Variants in FAM83G observed in about 807,000 individuals in gnomAD.
The protein encoded by FAM83G is scaffolding CK1 anchoring protein G, also known as protein FAM83G.
FAM83G carries 38 observed loss-of-function variants against 61.5 expected under a neutral mutation model. The observed-to-expected ratio is 0.62, with a 90% CI of 0.48 to 0.81. The LOEUF is 0.81. Among genes scored for constraint, FAM83G ranks in the 30% least tolerant of loss-of-function variants. The pLI, the probability that FAM83G is intolerant of heterozygous loss-of-function variation, is 0.00. For missense variants in FAM83G, 989 were observed against 1,133.6 expected (o/e 0.87, Z 1.83); for synonymous variants, 470 against 476.1 (o/e 0.99, Z 0.17).
Position 18,977,796 on chromosome 17 carries a change from C to T in FAM83G, c.1870G>A (p.Glu624Lys), listed in dbSNP as rs1014037928. The T allele has an allele frequency of 1.9e-6, 3 of 1,602,878 alleles. No individual in the cohort carries two copies. The highest frequency in any genetic ancestry group is 2.6e-6 in the Non-Finnish European group (3 of 1,174,032). ...SVSEEYFEVR[E>K]HSVPLRRRHS... is the part of the protein sequence containing the mutation. ...CGCCTCCGGAGAGGGACTGAGTGCT[C>T]TCTCACCTCGAAGTACTCCTCTGAC... is the stretch of plus-strand genomic sequence containing the variant. The change falls in exon 5 of 6, where the codon GAG becomes AAG. Residue 624 changes from glutamate to lysine, a missense_variant. By Grantham distance (56) the Glu-to-Lys change is moderately conservative. Coordinates refer to ENST00000388995, the MANE Select transcript of FAM83G (RefSeq NM_001039999.3).
At chr17:18,976,574 G>A in intron 5 of FAM83G, 1 of 415,102 alleles carries the variant, frequency 2.4e-6, no homozygotes, top group East Asian at 4.1e-5. Context: ...TGCCAGGGGT[G>A]GTGGGCTGGG....
Position 18,971,707 on chromosome 17 carries a change from A to G in FAM83G, c.2124T>C (p.Thr708=). 6.2e-7 allele frequency: 1 copy of G among 1,600,854 alleles called. No homozygotes were observed. The highest frequency in any genetic ancestry group is 8.5e-7 in the Non-Finnish European group (1 of 1,171,464). The part of the protein sequence containing the change: ...FHHHRVPASG[T]RDKDGFPGPP... ...GTCCTGGGAAGCCGTCTTTATCCCT[A>G]GTCCCTGAGGCAGGGACCCTGTGAT... The change falls in exon 6 of 6, where the codon ACT becomes ACC. Residue 708 remains threonine, a synonymous_variant. Coordinates refer to ENST00000388995, the MANE Select transcript of FAM83G (RefSeq NM_001039999.3). The surrounding 1 kb of genome is among the most constrained non-coding windows in gnomAD (Gnocchi z 5.5).
chr17:18,999,524 T>C (rs1326919449), intron 2 of FAM83G, among the ~76,000 whole-genome samples: 1 of 152,104 alleles, frequency 6.6e-6, no homozygotes, highest in Non-Finnish European at 1.5e-5. Flanking sequence ...AGTTTCCTCA[T>C]CTGCACAATG....
intron 5 of FAM83G, among the ~76,000 whole-genome samples, chr17:18,972,725 G>A (rs2042885004): frequency 6.6e-6 from 1 of 152,166 alleles, no homozygotes; most frequent in Non-Finnish European, 1.5e-5. Context: ...AGCTGGGCAC[G>A]GTGGCAGGCG....
At chr17:18,995,385 G>A (rs1432462191) in intron 2 of FAM83G, among the ~76,000 whole-genome samples, 1 of 152,098 alleles carries the variant, frequency 6.6e-6, no homozygotes, top group Non-Finnish European at 1.5e-5. Flanking sequence ...CACTATAGAA[G>A]AGAAAATTAG....
At chr17:19,005,647 A>ACC (rs141784762), upstream of FAM83G, among the ~76,000 whole-genome samples, 7,464 of 136,328 alleles carry the variant, frequency 0.055, 397 homozygotes, top group South Asian at 0.3. Flanking sequence ...GTGCCCTCAA[A>ACC]CCCCCCCCCT....
chr17:19,005,399 CCCTG>C (rs2043857350), upstream of FAM83G, among the ~76,000 whole-genome samples: 3 of 152,172 alleles, frequency 2.0e-5, no homozygotes, highest in African/African-American at 7.2e-5. Context: ...GGGGTTGGGA[CCCTG>C]GTTATGGGGA....
intron 4 of FAM83G, chr17:18,979,070 G>A (rs1194647043): frequency 1.7e-6 from 1 of 598,106 alleles, no homozygotes; most frequent in Non-Finnish European, 3.0e-6. Flanking sequence ...CAAATGACAG[G>A]GCACTGTGCT....
chr17:18,968,822 T>A lies in FAM83G; in HGVS notation c.*2537A>T. ...AAGGCATTGGCCACTTTGGACTTTA[T>A]TAGCAACAGTAATGTCCCCTGACAT... On this transcript the variant is annotated 3_prime_UTR_variant, in exon 6 of 6. Coordinates refer to ENST00000388995, the MANE Select transcript of FAM83G (RefSeq NM_001039999.3). This position sits in a 1 kb window ranked among gnomAD's most constrained non-coding sequence, Gnocchi z 4.1. 5 of 537,976 alleles carry A rather than the reference T, an allele frequency of 9.3e-6. No individual in the cohort carries two copies. Among genetic ancestry groups the A allele is most frequent in the Non-Finnish European group, 1.6e-5 (5 of 304,282 alleles). The allele number at this position is 537,976 out of a possible 1,614,324, so 33.3% of individuals were successfully genotyped here. A position where few individuals can be genotyped will look rare whatever the true frequency, so the allele number is the denominator to read the frequency against.
At position 18,971,397 on chromosome 17, in the gene FAM83G, G is replaced by T. The variant is rs778257113; in HGVS notation, c.2434C>A (p.Arg812=). ...CGGTCCCGGGGGGCTTGAGCCCTCC[G>T]TTTAGAATCCGATGAGGCCCACTGG... ...GSQWASSDSK[R]RAQAPRDRKD... is the part of the protein sequence containing the mutation. Residue 812 remains arginine, a synonymous_variant, in exon 6 of 6, where the codon CGG becomes AGG. Transcript: ENST00000388995. This position sits in a 1 kb window ranked among gnomAD's most constrained non-coding sequence, Gnocchi z 5.5. The T allele has an allele frequency of 6.2e-7, 1 of 1,613,644 alleles. No individual in the cohort carries two copies. The highest frequency in any genetic ancestry group is 1.7e-5 in the Admixed American group (1 of 60,008).
Position 18,969,554 on chromosome 17 carries a change from A to G in FAM83G, c.*1805T>C, listed in dbSNP as rs1216273427. 2.1e-5 allele frequency: 17 copies of G among 812,388 alleles called. No homozygotes were observed. The highest frequency in any genetic ancestry group is 3.3e-5 in the Non-Finnish European group (17 of 521,926). 50.3% of individuals were successfully genotyped at this position (812,388 alleles called of 1,614,324 possible). On this transcript the variant is annotated 3_prime_UTR_variant, in exon 6 of 6. Coordinates refer to ENST00000388995, the MANE Select transcript of FAM83G (RefSeq NM_001039999.3). ...AGCATCGCTGGGAGTGGGTGGGTTC[A>G]GGAGGTTGAGCCACTAGGCAGTCAG...
At chr17:18,974,877 G>C (rs1006308139) in intron 5 of FAM83G, among the ~76,000 whole-genome samples, 5 of 152,152 alleles carry the variant, frequency 3.3e-5, no homozygotes, top group African/African-American at 4.8e-5. Context: ...GCTGGGAGGT[G>C]GGGGTGAGCA....
chr17:18,972,342 T>G (rs9916283), intron 5 of FAM83G, among the ~76,000 whole-genome samples: 1 of 152,170 alleles, frequency 6.6e-6, no homozygotes, highest in South Asian at 2.1e-4. Context: ...CCAGCCTCTG[T>G]GGAATGAACG....
rs1567803172 is a variant in FAM83G, at chr17:18,996,613, C to A, written c.522+6907G>T. Among the ~76,000 whole-genome samples, 2 of 152,112 alleles carry A rather than the reference C, an allele frequency of 1.3e-5. No individual in the cohort carries two copies. Among genetic ancestry groups the A allele is most frequent in the Admixed American group, 6.6e-5 (1 of 15,266 alleles). ...CTGTGTACTTGGTAACAAATGCTGA[C>A]CCCAGCCAGAGCAAGGATAATTAGG... On this transcript the variant is annotated intron_variant, in intron 2 of 5. Transcript: ENST00000388995. The surrounding 1 kb of genome is among the most constrained non-coding windows in gnomAD (Gnocchi z 4.4).
At chr17:18,987,821 A>G (rs2152129067) in intron 3 of FAM83G, among the ~76,000 whole-genome samples, 1 of 152,346 alleles carries the variant, frequency 6.6e-6, no homozygotes, top group East Asian at 1.9e-4. Flanking sequence ...TTCTAAGGAG[A>G]CAGATTTGGG....
rs201696809 is a variant in FAM83G at position 18,971,431 on chromosome 17, C to T, written c.2400G>A (p.Thr800=). 71 of 1,613,712 alleles carry T rather than the reference C, an allele frequency of 4.4e-5. 1 individual carries two copies. Among genetic ancestry groups the T allele is most frequent in the Admixed American group, 3.0e-4 (18 of 60,012 alleles). Residue 800 remains threonine (T), a synonymous_variant, in exon 6 of 6, where the codon ACG becomes ACA. Coordinates refer to ENST00000388995, the MANE Select transcript of FAM83G (RefSeq NM_001039999.3). This position sits in a 1 kb window ranked among gnomAD's most constrained non-coding sequence, Gnocchi z 5.5. ...LSQSKHLKAR[T]GGSQWASSDS... ...CCGATGAGGCCCACTGGCTACCGCC[C>T]GTCCTGGCCTTTAGGTGCTTCGACT...
chr17:18,988,142 C>T, intron 3 of FAM83G, 105 bp downstream of exon 3: 1 of 1,493,914 alleles, frequency 6.7e-7, no homozygotes, highest in Admixed American at 2.0e-5. Flanking sequence ...CTCTGAGTGC[C>T]TGGCACAGGA....
chr17:18,988,367 C>T lies in FAM83G; in HGVS notation c.570G>A (p.Lys190=). The change falls in exon 3 of 6, where the codon AAG becomes AAA. Residue 190 remains lysine (K), a synonymous_variant. Coordinates refer to ENST00000388995, the MANE Select transcript of FAM83G (RefSeq NM_001039999.3). ...TCTTGAAGCCGGCGTCCAGCAGGTC[C>T]TTGAAGATGTCCACGTCGGTGAACA... ...MDMFTDVDIF[K]DLLDAGFKRK... is the part of the protein sequence containing the mutation. 3.1e-6 allele frequency: 5 copies of T among 1,614,232 alleles called. No individual in the cohort carries two copies. The highest frequency in any genetic ancestry group is 3.4e-6 in the Non-Finnish European group (4 of 1,180,038).
chr17:18,984,739 C>T (rs2043226790), intron 3 of FAM83G, among the ~76,000 whole-genome samples: 1 of 152,364 alleles, frequency 6.6e-6, no homozygotes, highest in African/African-American at 2.4e-5. Context: ...TCCCTCCACA[C>T]CCAGTATCAC....
Sources: allele counts gnomAD v4.1 joint callset (sites outside exome capture counted in the v4.1 genomes callset), GRCh38; gene constraint gnomAD v4.1.1; non-coding constraint Gnocchi (gnomAD v3.1); transcripts MANE v1.5; gene names NCBI Gene and HGNC (gene_info 2026-07-23, HGNC 2026-07-21).